Variants in TRAF3 observed in about 807,000 individuals in gnomAD.
TRAF3 encodes TNF receptor associated factor 3.
Under a neutral mutation model 62.3 loss-of-function variants are expected in TRAF3, and 13 were observed. The observed-to-expected ratio is 0.21, with a 90% CI of 0.14 to 0.33. The LOEUF (loss-of-function observed/expected upper bound fraction) is 0.33, where lower values mean the gene tolerates loss of function less well. TRAF3 is among the 10% of genes least tolerant of loss of function. The pLI, the probability that TRAF3 is intolerant of heterozygous loss-of-function variation, is 1.00. For missense variants in TRAF3, 440 were observed against 741.8 expected (o/e 0.59, Z 4.73); for synonymous variants, 269 against 283.4 (o/e 0.95, Z 0.51).
At chr14:102,845,518 AT>A (rs552851916) in intron 2 of TRAF3, among the ~76,000 whole-genome samples, 97 of 135,844 alleles carry the variant, frequency 7.1e-4, no homozygotes, top group Non-Finnish European at 1.2e-3. Context: ...TAAAAAAAAA[AT>A]TTTTTTTTTT....
At chr14:102,781,923 G>A (rs1897289372) in intron 1 of TRAF3, among the ~76,000 whole-genome samples, 2 of 151,850 alleles carry the variant, frequency 1.3e-5, no homozygotes, top group Non-Finnish European at 2.9e-5. Context: ...CTCCTGAGTA[G>A]CTGGGGACCA....
chr14:102,825,587 C>T (rs944831971), intron 1 of TRAF3, among the ~76,000 whole-genome samples: 4 of 152,210 alleles, frequency 2.6e-5, no homozygotes, highest in Non-Finnish European at 4.4e-5. Flanking sequence ...AGATCCCCCA[C>T]GGAGAGCCCA....
chr14:102,871,410 G>C (rs1888335509), intron 3 of TRAF3, among the ~76,000 whole-genome samples: 1 of 152,230 alleles, frequency 6.6e-6, no homozygotes, highest in Non-Finnish European at 1.5e-5. Context: ...CCCAGGAGAA[G>C]CTTCCCGGTG....
At chr14:102,801,090 C>T (rs1344375487) in intron 1 of TRAF3, among the ~76,000 whole-genome samples, 2 of 152,190 alleles carry the variant, frequency 1.3e-5, no homozygotes, top group Non-Finnish European at 1.5e-5. Flanking sequence ...GGCGTAAACC[C>T]GGAAGGCGGA....
intron 9 of TRAF3, among the ~76,000 whole-genome samples, 157 bp downstream of exon 9, chr14:102,891,574 A>G (rs1889716873): frequency 2.0e-5 from 3 of 152,210 alleles, no homozygotes; most frequent in Admixed American, 2.0e-4. Context: ...TTATAAATGA[A>G]GGTGTTTTAT....
At chr14:102,787,753 G>A (rs867329725) in intron 1 of TRAF3, among the ~76,000 whole-genome samples, 1 of 150,958 alleles carries the variant, frequency 6.6e-6, no homozygotes, top group Non-Finnish European at 1.5e-5. Flanking sequence ...CTCTTCAAAG[G>A]GGTCTTCTGA....
At chr14:102,808,152 G>A (rs951778069) in intron 1 of TRAF3, among the ~76,000 whole-genome samples, 10 of 152,238 alleles carry the variant, frequency 6.6e-5, no homozygotes, top group African/African-American at 1.7e-4. Flanking sequence ...CTTTGGCCAC[G>A]TCCCTGGTTT....
intron 1 of TRAF3, among the ~76,000 whole-genome samples, chr14:102,791,577 A>G (rs558856901): frequency 6.6e-6 from 1 of 152,206 alleles, no homozygotes; most frequent in Admixed American, 6.5e-5. Flanking sequence ...TCTAGTAGTT[A>G]TTTTGTGGGT....
chr14:102,894,142 C>T (rs1889877251), intron 9 of TRAF3, among the ~76,000 whole-genome samples: 1 of 152,064 alleles, frequency 6.6e-6, no homozygotes, highest in South Asian at 2.1e-4. Context: ...GCCTGGGCAA[C>T]ACGGTGAAAC....
intron 4 of TRAF3, among the ~76,000 whole-genome samples, chr14:102,872,230 C>T (rs909155739): frequency 3.9e-5 from 6 of 152,154 alleles, no homozygotes; most frequent in African/African-American, 1.4e-4. Flanking sequence ...CTGCTAAGAC[C>T]GCAGGGAGCT....
chr14:102,818,981 C>CTGAG (rs1899724669), intron 1 of TRAF3, among the ~76,000 whole-genome samples: 2 of 151,394 alleles, frequency 1.3e-5, no homozygotes, highest in African/African-American at 2.4e-5. Flanking sequence ...TTACAAGAGG[C>CTGAG]TGAGGTGAGG....
intron 1 of TRAF3, among the ~76,000 whole-genome samples, chr14:102,783,924 A>T (rs60206905): frequency 0.027 from 4,066 of 152,258 alleles, 162 homozygotes; most frequent in African/African-American, 0.09. Context: ...AGTAAGATGG[A>T]TGGGAAAGCA....
chr14:102,853,119 C>T (rs1887146010), intron 2 of TRAF3, among the ~76,000 whole-genome samples: 1 of 152,098 alleles, frequency 6.6e-6, no homozygotes, highest in Admixed American at 6.6e-5. Flanking sequence ...CCAGGCTGGT[C>T]TTGAACTCCT....
intron 1 of TRAF3, among the ~76,000 whole-genome samples, chr14:102,801,332 A>G (rs1054550333): frequency 1.3e-5 from 2 of 152,086 alleles, no homozygotes; most frequent in African/African-American, 4.8e-5. Flanking sequence ...TATATAATAT[A>G]TAATATATAA....
chr14:102,818,626 C>T (rs1899694134), intron 1 of TRAF3, among the ~76,000 whole-genome samples: 1 of 152,208 alleles, frequency 6.6e-6, no homozygotes, highest in Admixed American at 6.5e-5. Flanking sequence ...CCCCATTCCC[C>T]CGCTCCCAGC....
At chr14:102,860,923 A>G (rs1035609077) in intron 2 of TRAF3, among the ~76,000 whole-genome samples, 1 of 152,246 alleles carries the variant, frequency 6.6e-6, no homozygotes, top group African/African-American at 2.4e-5. Context: ...CTGCCATATG[A>G]TTACAAGGTC....
chr14:102,872,803 T>G (rs1030288447), intron 4 of TRAF3, among the ~76,000 whole-genome samples: 8 of 152,010 alleles, frequency 5.3e-5, no homozygotes, highest in African/African-American at 1.9e-4. Flanking sequence ...GCAATTCTCA[T>G]GCCGCAGCCT....
chr14:102,864,235 G>A (rs1024794385), intron 2 of TRAF3, among the ~76,000 whole-genome samples: 3 of 143,772 alleles, frequency 2.1e-5, no homozygotes, highest in East Asian at 2.1e-4. Context: ...TGCAAGCTCC[G>A]CCTCCCAGGT....
At chr14:102,887,067 TC>T in intron 7 of TRAF3, among the ~76,000 whole-genome samples, 1 of 152,222 alleles carries the variant, frequency 6.6e-6, no homozygotes, top group Non-Finnish European at 1.5e-5. Context: ...TGGCACTCTT[TC>T]TTTGAGACAG....
Sources: allele counts gnomAD v4.1 joint callset (sites outside exome capture counted in the v4.1 genomes callset), GRCh38; gene constraint gnomAD v4.1.1; transcripts MANE v1.5; gene names NCBI Gene and HGNC (gene_info 2026-07-23, HGNC 2026-07-21).